Variants in SERINC1 observed in about 807,000 individuals in gnomAD.
SERINC1 encodes the protein tumor differentially expressed protein 2.
SERINC1 carries 38 observed loss-of-function variants against 52.9 expected under a neutral mutation model. The observed-to-expected ratio is 0.72, with a 90% CI of 0.55 to 0.94. SERINC1 has a LOEUF of 0.94. Among genes scored for constraint, SERINC1 ranks in the 40% least tolerant of loss-of-function variants. SERINC1 has a pLI of 0.00. For synonymous variants in SERINC1, 198 were observed against 183.1 expected (o/e 1.08, Z -0.66); for missense variants, 471 against 533.9 (o/e 0.88, Z 1.16).
At chr6:122,469,438 G>A (rs1389339123) in intron 1 of SERINC1, among the ~76,000 whole-genome samples, 1 of 147,922 alleles carries the variant, frequency 6.8e-6, no homozygotes, top group Non-Finnish European at 1.5e-5. Context: ...GTGCAGTGGC[G>A]CCATCTTGGC....
chr6:122,459,043 G>GC lies in SERINC1; in HGVS notation c.40-363dup, dbSNP rs150412379. Among the ~76,000 whole-genome samples, 466 of 152,168 alleles carry GC rather than the reference G, an allele frequency of 3.1e-3. 5 individuals carry two copies. The highest frequency in any genetic ancestry group is 0.01 in the African/African-American group (426 of 41,528). On this transcript the variant is annotated intron_variant, in intron 1 of 9. Coordinates refer to ENST00000339697, the MANE Select transcript of SERINC1 (RefSeq NM_020755.4). Reference sequence around the variant, plus strand: ...GCCCACCTCCAGCCCCTGACCTTTAGCCCCCAGATACTAGACTGATGAATA... The same window carrying GC: ...GCCCACCTCCAGCCCCTGACCTTTAGCCCCCCAGATACTAGACTGATGAATA...
At chr6:122,471,500 T>C (rs1210861978) in intron 1 of SERINC1, among the ~76,000 whole-genome samples, 199 bp downstream of exon 1, 2 of 152,184 alleles carry the variant, frequency 1.3e-5, no homozygotes, top group African/African-American at 2.4e-5. Context: ...TTACGGCCAG[T>C]GATCAGTTCT....
chr6:122,454,908 G>C (rs182147757), intron 3 of SERINC1, among the ~76,000 whole-genome samples: 54 of 152,274 alleles, frequency 3.5e-4, no homozygotes, highest in Admixed American at 3.2e-3. Flanking sequence ...ACATGTTCAT[G>C]CATGCATATA....
At chr6:122,459,046 C>G (rs1043491785) in intron 1 of SERINC1, among the ~76,000 whole-genome samples, 2 of 152,102 alleles carry the variant, frequency 1.3e-5, no homozygotes, top group African/African-American at 2.4e-5. Context: ...ACCTTTAGCC[C>G]CCAGATACTA....
In SERINC1 at chr6:122,443,566, A is replaced by T. The variant is rs1279191514; in HGVS notation, c.*1478T>A. On this transcript the variant is annotated 3_prime_UTR_variant, in exon 10 of 10. Coordinates refer to ENST00000339697, the MANE Select transcript of SERINC1 (RefSeq NM_020755.4). ...TAAACTCTCATACTGCTTGATTTTC[A>T]GGTTGAAAGGTTACAATAATCTATA... 1 of 152,128 alleles carries T rather than the reference A, an allele frequency of 6.6e-6. No homozygotes were observed. The highest frequency in any genetic ancestry group is 1.5e-5 in the Non-Finnish European group (1 of 68,038). 9.4% of individuals were successfully genotyped at this position (152,128 alleles called of 1,614,324 possible).
intron 7 of SERINC1, among the ~76,000 whole-genome samples, chr6:122,448,629 A>C (rs1017355838): frequency 6.6e-6 from 1 of 152,174 alleles, no homozygotes; most frequent in African/African-American, 2.4e-5. Flanking sequence ...TAATTTAATA[A>C]TGTGAAAAAA....
Position 122,444,801 on chromosome 6 carries a change from T to C in SERINC1, c.*243A>G, listed in dbSNP as rs894909661. ...ACTATAGAGCAGAGAATAAGCCCAA[T>C]AATGGCCACTTTTACTAACTCATCA... On this transcript the variant is annotated 3_prime_UTR_variant, in exon 10 of 10. Coordinates refer to ENST00000339697, the MANE Select transcript of SERINC1 (RefSeq NM_020755.4). 145 of 459,112 alleles carry C rather than the reference T, an allele frequency of 3.2e-4. 1 individual carries two copies. Among genetic ancestry groups the C allele is most frequent in the Non-Finnish European group, 5.8e-5 (15 of 259,222 alleles). The allele number at this position is 459,112 out of a possible 1,614,324, so 28.4% of individuals were successfully genotyped here.
chr6:122,465,989 A>T (rs2114490663), intron 1 of SERINC1, among the ~76,000 whole-genome samples: 1 of 152,248 alleles, frequency 6.6e-6, no homozygotes, highest in South Asian at 2.1e-4. Context: ...TAATCCCAGC[A>T]CTTTGGGAGG....
In SERINC1 at chr6:122,444,866, C is replaced by T; in HGVS notation, c.*178G>A. On this transcript the variant is annotated 3_prime_UTR_variant, in exon 10 of 10. Transcript: ENST00000339697. Reference sequence around the variant, plus strand: ...CTTTCCTCTGCAATTCATTCTACTTCACATATCAATGCACTTGGTAAGAAA... The same window carrying T: ...CTTTCCTCTGCAATTCATTCTACTTTACATATCAATGCACTTGGTAAGAAA... 1.6e-6 allele frequency: 1 copy of T among 608,214 alleles called. No individual in the cohort carries two copies. The allele number at this position is 608,214 out of a possible 1,614,324, so 37.7% of individuals were successfully genotyped here. A position where few individuals can be genotyped will look rare whatever the true frequency, so the allele number is the denominator to read the frequency against.
At chr6:122,445,622 T>TA (rs1379461400) in intron 9 of SERINC1, among the ~76,000 whole-genome samples, 1 of 145,112 alleles carries the variant, frequency 6.9e-6, no homozygotes, top group Non-Finnish European at 1.5e-5. Flanking sequence ...GATATCTCCT[T>TA]AAAAAAAGAA....
intron 6 of SERINC1, 22 bp from the exon 7 acceptor site, chr6:122,451,776 A>AAAAAATATATATATATAT: frequency 8.0e-5 from 9 of 113,072 alleles, no homozygotes; most frequent in African/African-American, 4.5e-4. Flanking sequence ...AAAAAAAAAA[A>AAAAAATATATATATATAT]ATATATATAT....
At chr6:122,450,044 A>T (rs1774877717) in intron 7 of SERINC1, among the ~76,000 whole-genome samples, 1 of 152,150 alleles carries the variant, frequency 6.6e-6, no homozygotes, top group African/African-American at 2.4e-5. Flanking sequence ...AAAAGAAAGC[A>T]GCCAAACCAA....
intron 1 of SERINC1, among the ~76,000 whole-genome samples, chr6:122,471,042 T>C (rs1405407430): frequency 1.3e-5 from 2 of 150,778 alleles, no homozygotes; most frequent in African/African-American, 2.4e-5. Flanking sequence ...AAAGACAAAA[T>C]TGTCATTAGG....
At chr6:122,471,602 G>T in intron 1 of SERINC1, 97 bp downstream of exon 1, 1 of 1,461,400 alleles carries the variant, frequency 6.8e-7, no homozygotes, top group Non-Finnish European at 9.6e-7. Context: ...GTTGGGTGGG[G>T]CACCACATTC....
In SERINC1 at chr6:122,445,187, T is replaced by G. The variant is rs1225329451; in HGVS notation, c.1227-8A>C. On this transcript the variant is annotated splice_polypyrimidine_tract_variant and splice_region_variant and intron_variant, in intron 9 of 9. Coordinates refer to ENST00000339697, the MANE Select transcript of SERINC1 (RefSeq NM_020755.4). ...TCACGAGAGGGTTCATACCTAAAAT[T>G]TCAGGGAAAATTATTAAAAAGGGGC... 3 of 1,608,714 alleles carry G rather than the reference T, an allele frequency of 1.9e-6. No homozygotes were observed. Among genetic ancestry groups the G allele is most frequent in the Non-Finnish European group, 2.5e-6 (3 of 1,178,556 alleles).
chr6:122,452,893 G>C (rs1244400326), intron 5 of SERINC1, among the ~76,000 whole-genome samples: 5 of 152,050 alleles, frequency 3.3e-5, no homozygotes, highest in Admixed American at 3.3e-4. Context: ...TTAGTTGTGT[G>C]AGAGGAATAT....
chr6:122,451,891 G>A lies in SERINC1; in HGVS notation c.756C>T (p.Ile252=), dbSNP rs1159297455. 1.3e-6 allele frequency: 2 copies of A among 1,523,336 alleles called. No individual in the cohort carries two copies. Among genetic ancestry groups the A allele is most frequent in the Non-Finnish European group, 8.8e-7 (1 of 1,139,966 alleles). The allele number at this position is 1,523,336 out of a possible 1,614,324, so 94.4% of individuals were successfully genotyped here. The change falls in exon 6 of 10, where the codon ATC becomes ATT. Residue 252 remains isoleucine, a synonymous_variant. Transcript: ENST00000339697. ...GASVMSILPK[I]QESQPRSGLL... The stretch of plus-strand genomic sequence containing the variant: ...ACTAATGCTTTAAAGGGCATACTTG[G>A]ATTTTTGGCAGTATAGACATTACAG...
chr6:122,448,963 T>C (rs1774857678), intron 7 of SERINC1, among the ~76,000 whole-genome samples: 1 of 152,214 alleles, frequency 6.6e-6, no homozygotes, highest in South Asian at 2.1e-4. Context: ...GTCATTATTA[T>C]TAATTACATC....
In SERINC1 at chr6:122,468,218, C is replaced by A. The variant is rs368693797; in HGVS notation, c.39+3481G>T. Among the ~76,000 whole-genome samples, 37 of 152,286 alleles carry A rather than the reference C, an allele frequency of 2.4e-4. No individual in the cohort carries two copies. In the East Asian group the frequency reaches 3.1e-3, roughly 13 times the overall value. ...TAAAAAGTTACTCCAACTTCAATGT[C>A]TTATACAATGTTTTTCTTAAACTTA... On this transcript the variant is annotated intron_variant, in intron 1 of 9. Transcript: ENST00000339697.
Sources: allele counts gnomAD v4.1 joint callset (sites outside exome capture counted in the v4.1 genomes callset), GRCh38; gene constraint gnomAD v4.1.1; transcripts MANE v1.5; gene names NCBI Gene and HGNC (gene_info 2026-07-23, HGNC 2026-07-21).